The following EYS variants were observed in gnomAD, a reference collection of about 807,000 sequenced individuals.
EYS encodes protein eyes shut homolog.
In EYS, 250 loss-of-function variants were observed where a neutral mutation model predicts 282.1. The observed-to-expected ratio is 0.89, with a 90% CI of 0.80 to 0.98. EYS has a LOEUF of 0.98. EYS is among the 50% of genes least tolerant of loss of function. The pLI is 0.00. For synonymous variants in EYS, 1,355 were observed against 1,282.9 expected (o/e 1.06, Z -1.20); for missense variants, 4,016 against 3,709.0 (o/e 1.08, Z -2.15).
At chr6:64,123,005 A>AT (rs1773641268) in intron 31 of EYS, among the ~76,000 whole-genome samples, 1 of 152,154 alleles carries the variant, frequency 6.6e-6, no homozygotes. Context: ...GAGTTACAAT[A>AT]TCATGAAACT....
chr6:63,896,210 G>A (rs1363954121), intron 35 of EYS, among the ~76,000 whole-genome samples: 1 of 151,940 alleles, frequency 6.6e-6, no homozygotes, highest in Non-Finnish European at 1.5e-5. Context: ...GTCCTTTCTG[G>A]ATCTATCTCT....
At chr6:65,558,252 G>C (rs2127342350) in intron 2 of EYS, among the ~76,000 whole-genome samples, 1 of 152,354 alleles carries the variant, frequency 6.6e-6, no homozygotes, top group Middle Eastern at 3.4e-3. Context: ...TCCCTCCCAA[G>C]CTCACCAGCA....
At chr6:65,046,602 T>G (rs187497606) in intron 13 of EYS, among the ~76,000 whole-genome samples, 21 of 152,020 alleles carry the variant, frequency 1.4e-4, no homozygotes, top group Middle Eastern at 3.4e-3. Flanking sequence ...AAGAATAATT[T>G]TTGATGTGGT....
chr6:63,740,931 A>G (rs1769059965), intron 41 of EYS, among the ~76,000 whole-genome samples: 2 of 152,150 alleles, frequency 1.3e-5, no homozygotes, highest in Non-Finnish European at 2.9e-5. Context: ...GTTCATTTTG[A>G]GGTAGAATTT....
chr6:65,078,289 TTAAG>T lies in EYS; in HGVS notation c.2024-20566_2024-20563del, dbSNP rs1282044386. 2.6e-5 allele frequency among the ~76,000 whole-genome samples: 4 copies of T among 152,284 alleles called. No individual in the cohort carries two copies. The East Asian group carries it at 5.8e-4, about 22-fold the overall frequency. ...GTAAACAAATTTCAAATTTGAGACATTAAGTATGATCAGAAATATTACAGTAGAA... is the reference window on the plus strand; with the variant it reads ...GTAAACAAATTTCAAATTTGAGACATTATGATCAGAAATATTACAGTAGAA... On this transcript the variant is annotated intron_variant, in intron 12 of 42. Transcript: ENST00000503581.
At chr6:64,198,420 T>C (rs1765363647) in intron 31 of EYS, among the ~76,000 whole-genome samples, 1 of 152,126 alleles carries the variant, frequency 6.6e-6, no homozygotes, top group East Asian at 1.9e-4. Context: ...CAACCTGTCA[T>C]GTAGGTCTTA....
chr6:65,113,569 C>A (rs1235982870), intron 12 of EYS, among the ~76,000 whole-genome samples: 1 of 151,928 alleles, frequency 6.6e-6, no homozygotes, highest in African/African-American at 2.4e-5. Context: ...GTATTCAATA[C>A]AGAATTTTAA....
chr6:64,228,189 T>C (rs996948465), intron 31 of EYS, among the ~76,000 whole-genome samples: 3 of 152,164 alleles, frequency 2.0e-5, no homozygotes, highest in African/African-American at 7.2e-5. Flanking sequence ...AACACAATCC[T>C]GCCCTTGGCT....
intron 35 of EYS, among the ~76,000 whole-genome samples, chr6:63,880,313 G>C (rs531195863): frequency 1.3e-5 from 2 of 152,280 alleles, no homozygotes; most frequent in South Asian, 4.1e-4. Flanking sequence ...GTGCTTGGAT[G>C]CTTCCTGCCC....
chr6:64,375,456 A>C (rs977077812), intron 29 of EYS, among the ~76,000 whole-genome samples: 2 of 152,248 alleles, frequency 1.3e-5, no homozygotes, highest in African/African-American at 4.8e-5. Flanking sequence ...AAGGGTGGTA[A>C]TAACTATTTA....
At chr6:63,891,358 TCC>T (rs1407748698) in intron 35 of EYS, among the ~76,000 whole-genome samples, 1 of 152,022 alleles carries the variant, frequency 6.6e-6, no homozygotes, top group Non-Finnish European at 1.5e-5. Flanking sequence ...GCAAACTAAA[TCC>T]AGCAGCACAT....
intron 12 of EYS, among the ~76,000 whole-genome samples, chr6:65,258,245 AAG>A (rs1767523989): frequency 6.6e-6 from 1 of 152,018 alleles, no homozygotes; most frequent in African/African-American, 2.4e-5. Context: ...TGGAATTTAA[AAG>A]TGGGGGGAAA....
chr6:65,367,835 C>G (rs1764972348), intron 8 of EYS, among the ~76,000 whole-genome samples: 1 of 151,670 alleles, frequency 6.6e-6, no homozygotes, highest in Non-Finnish European at 1.5e-5. Flanking sequence ...TAAAGTACTT[C>G]TCATTGGAAA....
At chr6:64,149,755 T>C (rs1013949934) in intron 31 of EYS, among the ~76,000 whole-genome samples, 46 of 152,208 alleles carry the variant, frequency 3.0e-4, no homozygotes, top group African/African-American at 1.1e-3. Flanking sequence ...TTTCTGACTT[T>C]AAAGCCTGTT....
At chr6:64,028,058 T>C (rs1290577832) in intron 33 of EYS, among the ~76,000 whole-genome samples, 2 of 152,246 alleles carry the variant, frequency 1.3e-5, no homozygotes, top group East Asian at 3.8e-4. Flanking sequence ...TCTTTTCACA[T>C]GCCTTTCTTG....
intron 31 of EYS, among the ~76,000 whole-genome samples, chr6:64,222,540 A>G (rs1474574353): frequency 6.6e-6 from 1 of 152,026 alleles, no homozygotes; most frequent in Non-Finnish European, 1.5e-5. Flanking sequence ...ATTCCCATTA[A>G]CTAGAGAATA....
At chr6:65,414,448 T>C (rs1056955090) in intron 5 of EYS, among the ~76,000 whole-genome samples, 1 of 152,158 alleles carries the variant, frequency 6.6e-6, no homozygotes, top group Non-Finnish European at 1.5e-5. Flanking sequence ...AATGGAATTA[T>C]AGAGACTGGA....
intron 24 of EYS, among the ~76,000 whole-genome samples, chr6:64,595,070 C>T (rs981682808): frequency 6.6e-6 from 1 of 151,978 alleles, no homozygotes; most frequent in Non-Finnish European, 1.5e-5. Flanking sequence ...CTGAATACAA[C>T]AACATATCAA....
chr6:64,912,357 C>T, intron 16 of EYS, 127 bp downstream of exon 16: 1 of 721,090 alleles, frequency 1.4e-6, no homozygotes, highest in East Asian at 2.7e-5. Context: ...GTTAGATAGT[C>T]CCCTACCCAC....
Sources: gnomAD v4.1 joint callset for allele counts (sites outside exome capture counted in the v4.1 genomes callset) on GRCh38, gnomAD v4.1.1 for gene constraint, MANE v1.5 for transcripts, NCBI Gene and HGNC (gene_info 2026-07-23, HGNC 2026-07-21) for gene names.